ATXN3: variants seen among roughly 807,000 people sequenced by gnomAD.
ATXN3 encodes ataxin-3.
In ATXN3, 28 loss-of-function variants were observed where a neutral mutation model predicts 58.2. That is an observed-to-expected ratio of 0.48 (90% CI 0.36 to 0.66). ATXN3 has a LOEUF of 0.66. Among genes scored for constraint, ATXN3 ranks in the 30% least tolerant of loss-of-function variants. ATXN3 has a pLI of 0.00. For missense variants in ATXN3, 321 were observed against 422.1 expected, an observed-to-expected ratio of 0.76 and a Z score of 2.10; for synonymous variants, 113 against 138.5, an observed-to-expected ratio of 0.82 and a Z score of 1.29.
At chr14:92,081,105 AC>A in intron 8 of ATXN3, 44 bp from the exon 9 acceptor site, 1 of 1,320,852 alleles carries the variant, frequency 7.6e-7, no homozygotes, top group Non-Finnish European at 1.1e-6. Flanking sequence ...CACTGTATTT[AC>A]CAATTCAAGC....
intron 1 of ATXN3, among the ~76,000 whole-genome samples, chr14:92,104,897 G>T (rs2067857123): frequency 6.8e-6 from 1 of 147,754 alleles, no homozygotes; most frequent in African/African-American, 2.5e-5. Flanking sequence ...ACTCCAGCCT[G>T]GGTGACAAGA....
rs2057574887 is a variant in ATXN3, at chr14:92,059,195, A to G, written c.*5125T>C. 6.6e-6 allele frequency: 1 copy of G among 152,194 alleles called. No individual in the cohort carries two copies. 9.4% of individuals were successfully genotyped at this position (152,194 alleles called of 1,614,324 possible). A position where few individuals can be genotyped will look rare whatever the true frequency, so the allele number is the denominator to read the frequency against. ...GCCAGACCACTTGGAAAAAATAATAATAGCAAAGATTTTCTTCAAATTAAA... is the reference window on the plus strand; with the variant it reads ...GCCAGACCACTTGGAAAAAATAATAGTAGCAAAGATTTTCTTCAAATTAAA... On this transcript the variant is annotated 3_prime_UTR_variant, in exon 11 of 11. Transcript: ENST00000644486.
chr14:92,104,100 T>G (rs972106936), intron 1 of ATXN3, among the ~76,000 whole-genome samples: 2 of 152,262 alleles, frequency 1.3e-5, no homozygotes, highest in Non-Finnish European at 2.9e-5. Context: ...CTGAAGTATC[T>G]GTAGGCCTAT....
At chr14:92,095,867 G>A (rs377664561) in intron 3 of ATXN3, among the ~76,000 whole-genome samples, 20 of 151,810 alleles carry the variant, frequency 1.3e-4, no homozygotes, top group African/African-American at 4.6e-4. Context: ...GCTTGAACCC[G>A]GGAGGCAGAG....
chr14:92,082,608 G>T, intron 7 of ATXN3, 142 bp from the exon 8 acceptor site: 6 of 715,596 alleles, frequency 8.4e-6, no homozygotes, highest in Non-Finnish European at 1.0e-5. Context: ...TATAATGATT[G>T]TGTTGCAATT....
At chr14:92,044,928 C>T (rs1467205363) in exon 3 of ATXN3, 2 of 152,052 alleles carry the variant, frequency 1.3e-5, no homozygotes, top group Non-Finnish European at 2.9e-5. Flanking sequence ...AACTGATCGT[C>T]CAGCTAGGGT....
At chr14:92,055,606 A>G (rs2057462373), downstream of ATXN3, among the ~76,000 whole-genome samples, 1 of 152,156 alleles carries the variant, frequency 6.6e-6, no homozygotes, top group Non-Finnish European at 1.5e-5. This position sits in a 1 kb window ranked among gnomAD's most constrained non-coding sequence, Gnocchi z 4.5. Flanking sequence ...GGAATTATAC[A>G]CTATTAATCC....
intron 1 of ATXN3, among the ~76,000 whole-genome samples, chr14:92,105,251 G>A (rs530328167): frequency 1.3e-5 from 2 of 152,008 alleles, no homozygotes; most frequent in East Asian, 1.9e-4. Context: ...GCGAGACCCC[G>A]TCTCTCCCAA....
intron 5 of ATXN3, 58 bp downstream of exon 5, chr14:92,093,194 T>C (rs969503694): frequency 7.5e-6 from 9 of 1,198,260 alleles, no homozygotes; most frequent in Admixed American, 6.9e-5. Context: ...GCCCACATTT[T>C]AGTTTTAAAT....
At chr14:92,048,629 A>T (rs1040732530) in intron 1 of ATXN3, among the ~76,000 whole-genome samples, 3 of 152,238 alleles carry the variant, frequency 2.0e-5, no homozygotes, top group Non-Finnish European at 2.9e-5. Context: ...CTATGCCTTC[A>T]GCTCCAGCCA....
chr14:92,079,117 C>T (rs771829843), intron 9 of ATXN3, among the ~76,000 whole-genome samples: 1 of 139,546 alleles, frequency 7.2e-6, no homozygotes, highest in Non-Finnish European at 1.5e-5. Flanking sequence ...ACTCAGGAGG[C>T]AGAGGTTGCA....
chr14:92,051,831 G>A (rs1462329899), upstream of ATXN3, among the ~76,000 whole-genome samples: 3 of 142,420 alleles, frequency 2.1e-5, no homozygotes, highest in Non-Finnish European at 3.0e-5. Context: ...AGGTTCAAGC[G>A]GTTCTCCTGC....
chr14:92,055,388 A>C (rs2140165157), downstream of ATXN3, among the ~76,000 whole-genome samples: 1 of 152,318 alleles, frequency 6.6e-6, no homozygotes, highest in African/African-American at 2.4e-5. This position sits in a 1 kb window ranked among gnomAD's most constrained non-coding sequence, Gnocchi z 4.5. Context: ...TCAGTTGTTA[A>C]ATGGTTATAC....
At chr14:92,099,793 A>C (rs946903529) in intron 1 of ATXN3, among the ~76,000 whole-genome samples, 1 of 152,090 alleles carries the variant, frequency 6.6e-6, no homozygotes, top group African/African-American at 2.4e-5. Context: ...CTTGAGCCCC[A>C]AAAAGGTCGA....
Position 92,070,927 on chromosome 14 carries a change from G to C in ATXN3, c.991+8C>G. The C allele has an allele frequency of 6.2e-7, 1 of 1,613,118 alleles. No homozygotes were observed. The highest frequency in any genetic ancestry group is 2.2e-5 in the East Asian group (1 of 44,846). ...TAGCGAACATGATGAATGGTGAGCAGGCCTTACCTAGATCACTCCCAAGTG... is the reference window on the plus strand; with the variant it reads ...TAGCGAACATGATGAATGGTGAGCACGCCTTACCTAGATCACTCCCAAGTG... On this transcript the variant is annotated splice_region_variant and intron_variant, in intron 10 of 10. Transcript: ENST00000644486.
intron 5 of ATXN3, among the ~76,000 whole-genome samples, chr14:92,091,852 A>AT (rs5810573): frequency 0.27 from 40,876 of 149,002 alleles, 5,795 homozygotes; most frequent in East Asian, 0.43. Context: ...CGCCTAGCCA[A>AT]TTTTTTTTTC....
chr14:92,096,962 C>T (rs897965126), intron 1 of ATXN3, 124 bp from the exon 2 acceptor site: 6 of 811,304 alleles, frequency 7.4e-6, no homozygotes, highest in Admixed American at 4.9e-5. Flanking sequence ...GGCCGGAGTG[C>T]AGTGGCGCTA....
At chr14:92,047,626 G>A (rs1371834435) in intron 2 of ATXN3, among the ~76,000 whole-genome samples, 1 of 152,170 alleles carries the variant, frequency 6.6e-6, no homozygotes, top group Non-Finnish European at 1.5e-5. Flanking sequence ...GCAATGAGAT[G>A]TGGCTGTAGT....
chr14:92,074,959 TAAAA>T (rs2060082961), intron 9 of ATXN3, among the ~76,000 whole-genome samples: 2 of 152,194 alleles, frequency 1.3e-5, no homozygotes, highest in Non-Finnish European at 2.9e-5. Flanking sequence ...TTACAGTTTA[TAAAA>T]TAGTTTCACA....
Sources: allele counts gnomAD v4.1 joint callset (sites outside exome capture counted in the v4.1 genomes callset), GRCh38; gene constraint gnomAD v4.1.1; non-coding constraint Gnocchi (gnomAD v3.1); transcripts MANE v1.5; gene names NCBI Gene and HGNC (gene_info 2026-07-23, HGNC 2026-07-21).